The following SPATA17 variants were observed in gnomAD, a reference collection of about 807,000 sequenced individuals.
SPATA17 encodes spermatogenesis-associated protein 17.
A neutral mutation model predicts 62.2 loss-of-function variants in SPATA17; 53 were observed. The ratio of observed to expected loss-of-function variants is 0.85; its 90% CI spans 0.68 to 1.07. SPATA17 has a LOEUF of 1.07. Among genes scored for constraint, SPATA17 ranks in the 50% least tolerant of loss-of-function variants. SPATA17 has a pLI of 0.00. For missense variants in SPATA17, 466 were observed against 425.5 expected (o/e 1.10, Z -0.84); for synonymous variants, 146 against 146.8 (o/e 0.99, Z 0.04).
intron 9 of SPATA17, among the ~76,000 whole-genome samples, chr1:217,860,311 G>A (rs752464063): frequency 3.9e-5 from 6 of 152,076 alleles, no homozygotes; most frequent in Non-Finnish European, 7.4e-5. Flanking sequence ...TGTGTTTTAT[G>A]GCCCAAGATG....
intron 5 of SPATA17, among the ~76,000 whole-genome samples, chr1:217,730,713 C>T (rs1005223508): frequency 5.3e-5 from 8 of 152,098 alleles, no homozygotes; most frequent in East Asian, 3.9e-4. Flanking sequence ...CTTTGAGGAA[C>T]GGATGGACTT....
intron 8 of SPATA17, among the ~76,000 whole-genome samples, chr1:217,787,461 G>A (rs561640061): frequency 3.5e-4 from 53 of 152,168 alleles, no homozygotes; most frequent in African/African-American, 1.1e-3. Flanking sequence ...ATACGGAGCT[G>A]TTTTCATTCT....
At chr1:217,833,088 A>G (rs34742427) in intron 9 of SPATA17, among the ~76,000 whole-genome samples, 44,500 of 152,110 alleles carry the variant, frequency 0.29, 7,738 homozygotes, top group Non-Finnish European at 0.38. Flanking sequence ...AAATTTCTGT[A>G]GATAATAATT....
intron 5 of SPATA17, among the ~76,000 whole-genome samples, chr1:217,719,132 T>C (rs1214580121): frequency 6.6e-6 from 1 of 152,226 alleles, no homozygotes; most frequent in Non-Finnish European, 1.5e-5. Flanking sequence ...GAACAATGCA[T>C]TCTCCAGAAA....
intron 5 of SPATA17, among the ~76,000 whole-genome samples, chr1:217,715,097 A>G (rs1243683151): frequency 6.6e-6 from 1 of 152,232 alleles, no homozygotes; most frequent in East Asian, 1.9e-4. Context: ...AATATATGAT[A>G]TAAAATTATC....
intron 6 of SPATA17, among the ~76,000 whole-genome samples, chr1:217,763,656 C>G (rs1673226490): frequency 6.6e-6 from 1 of 152,146 alleles, no homozygotes; most frequent in Non-Finnish European, 1.5e-5. Flanking sequence ...GGGGTAAGCA[C>G]AGCAGATGGA....
intron 2 of SPATA17, among the ~76,000 whole-genome samples, chr1:217,650,667 A>C (rs1034175223): frequency 1.3e-5 from 2 of 151,662 alleles, no homozygotes; most frequent in Non-Finnish European, 2.9e-5. Context: ...CAGGTGATCC[A>C]ACCGCCTTGG....
intron 5 of SPATA17, among the ~76,000 whole-genome samples, chr1:217,702,374 A>G (rs1026866708): frequency 6.6e-5 from 10 of 152,082 alleles, no homozygotes; most frequent in African/African-American, 2.4e-4. Flanking sequence ...TTGCTACATC[A>G]GTTTCCCTGT....
intron 9 of SPATA17, 67 bp downstream of exon 9, chr1:217,801,917 C>T: frequency 7.1e-7 from 1 of 1,405,490 alleles, no homozygotes; most frequent in Non-Finnish European, 9.6e-7. Flanking sequence ...TTAATTAGAG[C>T]AAATATAAAT....
intron 5 of SPATA17, among the ~76,000 whole-genome samples, chr1:217,720,684 T>C (rs1264767491): frequency 6.6e-6 from 1 of 152,152 alleles, no homozygotes; most frequent in Non-Finnish European, 1.5e-5. Flanking sequence ...CACATAAACA[T>C]AATTTACAAA....
intron 3 of SPATA17, among the ~76,000 whole-genome samples, chr1:217,655,298 G>T (rs927289025): frequency 2.0e-5 from 3 of 151,968 alleles, no homozygotes; most frequent in Admixed American, 1.3e-4. Flanking sequence ...CTCAATTTTT[G>T]CTTGCTAGTG....
chr1:217,802,497 A>T (rs777687729), intron 9 of SPATA17, among the ~76,000 whole-genome samples: 1 of 152,092 alleles, frequency 6.6e-6, no homozygotes, highest in African/African-American at 2.4e-5. Flanking sequence ...TCCTGCCAAC[A>T]TAGTTTCTGG....
intron 9 of SPATA17, chr1:217,850,567 T>G: frequency 6.3e-7 from 1 of 1,595,434 alleles, no homozygotes; most frequent in Non-Finnish European, 8.6e-7. Flanking sequence ...ACATTTTCGA[T>G]GGTGTCACTG....
At chr1:217,810,132 C>G (rs1674550569) in intron 9 of SPATA17, among the ~76,000 whole-genome samples, 2 of 152,096 alleles carry the variant, frequency 1.3e-5, no homozygotes, top group Admixed American at 6.5e-5. Flanking sequence ...ACAACAGATT[C>G]ACTTCATATA....
chr1:217,864,082 T>C (rs868105357), intron 10 of SPATA17, among the ~76,000 whole-genome samples: 17 of 152,186 alleles, frequency 1.1e-4, no homozygotes, highest in African/African-American at 4.1e-4. Flanking sequence ...TGAGGGGAAA[T>C]ATGAAATATT....
chr1:217,731,925 A>G (rs1263292265), intron 5 of SPATA17, among the ~76,000 whole-genome samples: 1 of 152,214 alleles, frequency 6.6e-6, no homozygotes, highest in Non-Finnish European at 1.5e-5. Flanking sequence ...CCTACTACAA[A>G]AAAAGCAAAT....
intron 6 of SPATA17, among the ~76,000 whole-genome samples, chr1:217,758,516 A>T (rs1236113856): frequency 1.3e-5 from 2 of 152,200 alleles, no homozygotes; most frequent in Non-Finnish European, 2.9e-5. Context: ...GCAGGCTAAA[A>T]TTACAAAGGT....
chr1:217,782,681 G>A (rs1198680132), intron 8 of SPATA17, among the ~76,000 whole-genome samples: 6 of 152,040 alleles, frequency 3.9e-5, no homozygotes, highest in African/African-American at 9.7e-5. Context: ...TTTTCTTAAC[G>A]TGGACTAAAT....
intron 5 of SPATA17, among the ~76,000 whole-genome samples, chr1:217,735,156 T>C (rs1437539601): frequency 6.6e-6 from 1 of 152,192 alleles, no homozygotes; most frequent in African/African-American, 2.4e-5. Flanking sequence ...CATCAATGAA[T>C]AAACATTATT....
Sources: gnomAD v4.1 joint callset for allele counts (sites outside exome capture counted in the v4.1 genomes callset) on GRCh38, gnomAD v4.1.1 for gene constraint, MANE v1.5 for transcripts, NCBI Gene and HGNC (gene_info 2026-07-23, HGNC 2026-07-21) for gene names.